The following FGF14 variants were observed in gnomAD, a reference collection of about 807,000 sequenced individuals.
FGF14 encodes fibroblast growth factor 14, also known as fibroblast growth factor homologous factor 4.
Under a neutral mutation model 25.5 loss-of-function variants are expected in FGF14, and 5 were observed. The ratio of observed to expected loss-of-function variants is 0.20; its 90% confidence interval spans 0.10 to 0.41. The LOEUF is 0.41. Among genes scored for constraint, FGF14 ranks in the 10% least tolerant of loss-of-function variants. The pLI is 1.00. For synonymous variants in FGF14, 138 were observed against 118.3 expected (o/e 1.17, Z -1.08); for missense variants, 222 against 320.1 (o/e 0.69, Z 2.34).
chr13:102,180,672 G>A (rs978454047), intron 1 of FGF14, among the ~76,000 whole-genome samples: 1 of 152,132 alleles, frequency 6.6e-6, no homozygotes, highest in African/African-American at 2.4e-5. Flanking sequence ...GTTTTCCTAA[G>A]CGAGAAGCCT....
chr13:102,309,761 A>G (rs2055631024), intron 1 of FGF14, among the ~76,000 whole-genome samples: 1 of 152,208 alleles, frequency 6.6e-6, no homozygotes, highest in South Asian at 2.1e-4. Flanking sequence ...AAATTCTCAG[A>G]ATTTAAAATC....
intron 1 of FGF14, among the ~76,000 whole-genome samples, chr13:102,378,598 T>A (rs977056970): frequency 8.6e-6 from 1 of 115,964 alleles, no homozygotes; most frequent in Non-Finnish European, 1.8e-5. Context: ...TATATCTATA[T>A]CTATCTATCT....
At chr13:102,097,342 A>C (rs560014312) in intron 1 of FGF14, among the ~76,000 whole-genome samples, 1 of 152,242 alleles carries the variant, frequency 6.6e-6, no homozygotes, top group Non-Finnish European at 1.5e-5. Flanking sequence ...GCATTTGGTC[A>C]GAGACAGCGT....
rs1398187927 is a variant in FGF14 at position 101,711,230 on chromosome 13, C to A, written c.*11601G>T. ...TTGCCTTGACTACTTCAAGCTAGAT[C>A]CAGATAATCACGTCCAATCTTCTTA... is the stretch of plus-strand genomic sequence containing the variant. On this transcript the variant is annotated 3_prime_UTR_variant, in exon 5 of 5. Coordinates refer to ENST00000376143, the MANE Select transcript of FGF14 (RefSeq NM_004115.4). The A allele has an allele frequency of 6.6e-6, 1 of 152,214 alleles. No individual in the cohort carries two copies. The highest frequency in any genetic ancestry group is 1.5e-5 in the Non-Finnish European group (1 of 68,048). 9.4% of individuals were successfully genotyped at this position (152,214 alleles called of 1,614,324 possible). A position where few individuals can be genotyped will look rare whatever the true frequency, so the allele number is the denominator to read the frequency against.
At chr13:102,090,974 A>G (rs1250301566) in intron 1 of FGF14, among the ~76,000 whole-genome samples, 3 of 152,202 alleles carry the variant, frequency 2.0e-5, no homozygotes, top group Admixed American at 6.5e-5. Context: ...TTTATAATAA[A>G]TATTTGTTAA....
chr13:101,807,502 G>A (rs963462344), intron 3 of FGF14, among the ~76,000 whole-genome samples: 5 of 152,086 alleles, frequency 3.3e-5, no homozygotes, highest in Admixed American at 2.0e-4. Flanking sequence ...CTTCTATTAA[G>A]TGGACTGTTT....
chr13:101,975,073 C>T (rs1489883172), intron 1 of FGF14, among the ~76,000 whole-genome samples: 1 of 152,034 alleles, frequency 6.6e-6, no homozygotes, highest in African/African-American at 2.4e-5. Context: ...ATTGAGGTGG[C>T]CCTGGCTTCC....
chr13:101,870,975 A>ATACATACATAC (rs373047105), intron 2 of FGF14, among the ~76,000 whole-genome samples: 4 of 150,492 alleles, frequency 2.7e-5, no homozygotes, highest in East Asian at 3.9e-4. Flanking sequence ...TAAATAAATA[A>ATACATACATAC]ATACATACAT....
chr13:101,726,501 T>G (rs2035446432), intron 4 of FGF14, 111 bp downstream of exon 4: 3 of 1,036,800 alleles, frequency 2.9e-6, no homozygotes, highest in African/African-American at 3.2e-5. Context: ...TCAAAATAAA[T>G]GACATTTCCA....
At chr13:101,882,142 C>A (rs1435382366) in intron 1 of FGF14, among the ~76,000 whole-genome samples, 2 of 151,780 alleles carry the variant, frequency 1.3e-5, no homozygotes, top group African/African-American at 2.4e-5. Context: ...TAAAACACTA[C>A]GCAGAATGAT....
chr13:101,859,099 T>C (rs2044276116), intron 3 of FGF14, among the ~76,000 whole-genome samples: 1 of 152,132 alleles, frequency 6.6e-6, no homozygotes, highest in Admixed American at 6.6e-5. Context: ...TCTTCTTTGC[T>C]GACACTGAAT....
chr13:102,223,889 TTATTA>T (rs1419825073), intron 1 of FGF14, among the ~76,000 whole-genome samples: 4 of 152,100 alleles, frequency 2.6e-5, no homozygotes, highest in African/African-American at 9.7e-5. Context: ...ATTTAGAATA[TTATTA>T]TATTAATCTT....
At chr13:101,731,834 C>T (rs1283164495) in intron 3 of FGF14, among the ~76,000 whole-genome samples, 1 of 152,194 alleles carries the variant, frequency 6.6e-6, no homozygotes, top group Non-Finnish European at 1.5e-5. Context: ...GGAAAACAGG[C>T]ACTTTCCTTT....
chr13:102,033,382 A>T (rs1260192134), intron 1 of FGF14, among the ~76,000 whole-genome samples: 1 of 152,168 alleles, frequency 6.6e-6, no homozygotes, highest in Non-Finnish European at 1.5e-5. Context: ...ATGACAAGGG[A>T]AGCCTTAGCT....
chr13:102,106,837 T>C (rs993978589), intron 1 of FGF14, among the ~76,000 whole-genome samples: 2 of 152,210 alleles, frequency 1.3e-5, no homozygotes, highest in African/African-American at 4.8e-5. Flanking sequence ...TTGTAGTTTA[T>C]AAATAAAAGT....
intron 1 of FGF14, among the ~76,000 whole-genome samples, chr13:101,912,273 G>A (rs1217566484): frequency 6.6e-6 from 1 of 152,038 alleles, no homozygotes; most frequent in East Asian, 1.9e-4. Context: ...TAAAATGTTA[G>A]TAAGAAGCCC....
chr13:102,076,153 A>G (rs12865694), intron 1 of FGF14, among the ~76,000 whole-genome samples: 29,926 of 152,184 alleles, frequency 0.2, 4,015 homozygotes, highest in Non-Finnish European at 0.3. Flanking sequence ...CTACAGTAGT[A>G]TGTCCTAGGC....
At chr13:102,024,058 C>T (rs7995420) in intron 1 of FGF14, among the ~76,000 whole-genome samples, 4,013 of 152,126 alleles carry the variant, frequency 0.026, 176 homozygotes, top group African/African-American at 0.093. Flanking sequence ...TCCACTTTTA[C>T]ACTATTATAA....
intron 1 of FGF14, among the ~76,000 whole-genome samples, chr13:102,208,182 C>T (rs1024065164): frequency 1.3e-5 from 2 of 152,128 alleles, no homozygotes; most frequent in African/African-American, 2.4e-5. Context: ...AAGGCAGAAT[C>T]GCTCCACTCA....
Sources: gnomAD v4.1 joint callset for allele counts (sites outside exome capture counted in the v4.1 genomes callset) on GRCh38, gnomAD v4.1.1 for gene constraint, MANE v1.5 for transcripts, NCBI Gene and HGNC (gene_info 2026-07-23, HGNC 2026-07-21) for gene names.